DLGAP3: variants seen among roughly 807,000 people sequenced by gnomAD.
The protein encoded by DLGAP3 is disks large-associated protein 3.
Under a neutral mutation model 81.2 loss-of-function variants are expected in DLGAP3, and 17 were observed. That is an observed-to-expected ratio of 0.21 (90% CI 0.14 to 0.31). The LOEUF (loss-of-function observed/expected upper bound fraction) is 0.31, where lower values mean the gene tolerates loss of function less well. Among genes scored for constraint, DLGAP3 ranks in the 10% least tolerant of loss-of-function variants. The pLI is 1.00. For synonymous variants in DLGAP3, 577 were observed against 587.4 expected (o/e 0.98, Z 0.26); for missense variants, 1,124 against 1,388.0 (o/e 0.81, Z 3.02).
At chr1:34,898,269 T>C (rs901876300) in intron 5 of DLGAP3, among the ~76,000 whole-genome samples, 7 of 152,082 alleles carry the variant, frequency 4.6e-5, no homozygotes, top group Non-Finnish European at 8.8e-5. Context: ...TGGGGAGTTA[T>C]AGAGGCACCC....
chr1:34,883,608 A>T (rs1158703228), intron 8 of DLGAP3, among the ~76,000 whole-genome samples: 4 of 152,156 alleles, frequency 2.6e-5, no homozygotes, highest in African/African-American at 4.8e-5. Context: ...ATAAAATGCT[A>T]TTTTTCTGAA....
In DLGAP3 at chr1:34,885,562, T is replaced by C. The variant is rs1313283137; in HGVS notation, c.1830A>G (p.Thr610=). The change falls in exon 7 of 12, where the codon ACA becomes ACG. Residue 610 remains threonine (T), a synonymous_variant. Transcript: ENST00000373347. ...TGCCAGGGATGGTCTTGATGATGAG[T>C]GTGGGGGGCTTGGGGCTGGCCCGGG... ...VPPRASPKPP[T]LIIKTIPGRE... 2 of 1,607,144 alleles carry C rather than the reference T, an allele frequency of 1.2e-6. No individual in the cohort carries two copies. The highest frequency in any genetic ancestry group is 1.7e-6 in the Non-Finnish European group (2 of 1,179,514).
In DLGAP3 at chr1:34,900,008, C is replaced by A; in HGVS notation, c.1313+60G>T. The A allele has an allele frequency of 6.9e-7, 1 of 1,443,934 alleles. No individual in the cohort carries two copies. Among genetic ancestry groups the A allele is most frequent in the Non-Finnish European group, 9.6e-7 (1 of 1,042,804 alleles). 89.4% of individuals were successfully genotyped at this position (1,443,934 alleles called of 1,614,324 possible). A position where few individuals can be genotyped will look rare whatever the true frequency, so the allele number is the denominator to read the frequency against. On this transcript the variant is annotated intron_variant, in intron 4 of 11. Transcript: ENST00000373347. The surrounding 1 kb of genome is among the most constrained non-coding windows in gnomAD (Gnocchi z 5.6). ...ACTGGCACCCACTCTACACACATCT[C>A]CCGCAGGAGTCCAGCATCAGCCTCC...
chr1:34,890,353 T>C (rs564408335), intron 5 of DLGAP3, among the ~76,000 whole-genome samples: 1 of 152,336 alleles, frequency 6.6e-6, no homozygotes, highest in South Asian at 2.1e-4. Context: ...GTGAGTGTAT[T>C]ATGTGGGAGA....
rs554499702 is a variant in DLGAP3 at position 34,875,778 on chromosome 1, T to C, written c.2001-6689A>G. Among the ~76,000 whole-genome samples the C allele has an allele frequency of 3.3e-5, 5 of 152,380 alleles. No individual in the cohort carries two copies. In the South Asian group the frequency reaches 1.0e-3, roughly 32 times the overall value. On this transcript the variant is annotated intron_variant, in intron 8 of 11. Coordinates refer to ENST00000373347, the MANE Select transcript of DLGAP3 (RefSeq NM_001080418.3). ...GACACGGCTGGTAACTGATTAAGTA[T>C]GTTCTCTCTCACCACAAGGCCTTAG... is the stretch of plus-strand genomic sequence containing the variant.
intron 5 of DLGAP3, among the ~76,000 whole-genome samples, chr1:34,893,058 G>C (rs1372902907): frequency 6.6e-6 from 1 of 151,502 alleles, no homozygotes; most frequent in Non-Finnish European, 1.5e-5. Flanking sequence ...TGTAGTCCCA[G>C]CTACTCGGGA....
chr1:34,914,977 G>C (rs542966039), intron 1 of DLGAP3, among the ~76,000 whole-genome samples: 1 of 152,176 alleles, frequency 6.6e-6, no homozygotes, highest in Non-Finnish European at 1.5e-5. Flanking sequence ...CACCTGAGAG[G>C]ACTAGAGGAC....
At chr1:34,889,827 G>C (rs546341348) in intron 5 of DLGAP3, among the ~76,000 whole-genome samples, 30 of 152,330 alleles carry the variant, frequency 2.0e-4, no homozygotes, top group African/African-American at 7.2e-4. Flanking sequence ...TGGAAAATCA[G>C]AATATTAACT....
rs1433093415 is a variant in DLGAP3, at chr1:34,928,811, TTCACACACTC to T, written c.-135+630_-135+639del. ...ACAGTCACGCCGGCACACACATCCA[TTCACACACTC>T]ACAGACACACACAGGCACACATGGG... On this transcript the variant is annotated intron_variant, in intron 1 of 11. Coordinates refer to ENST00000373347, the MANE Select transcript of DLGAP3 (RefSeq NM_001080418.3). Among the ~76,000 whole-genome samples, 14 of 149,526 alleles carry T rather than the reference TTCACACACTC, an allele frequency of 9.4e-5. No individual in the cohort carries two copies. In the East Asian group the frequency reaches 2.8e-3, roughly 30 times the overall value.
chr1:34,866,227 G>A lies in DLGAP3; in HGVS notation c.2796C>T (p.Ser932=). The change falls in exon 12 of 12, where the codon TCC becomes TCT. Residue 932 remains serine, a synonymous_variant. Coordinates refer to ENST00000373347, the MANE Select transcript of DLGAP3 (RefSeq NM_001080418.3). ...RGRGVPVKER[S]LDSVDRQRQE... is the part of the protein sequence containing the mutation. The stretch of plus-strand genomic sequence containing the variant: ...GCCGCTGCCGGTCCACGGAGTCCAG[G>A]GAGCGCTCCTTCACCGGCACGCCCC... 6.3e-7 allele frequency: 1 copy of A among 1,586,318 alleles called. No individual in the cohort carries two copies. The highest frequency in any genetic ancestry group is 8.5e-7 in the Non-Finnish European group (1 of 1,170,266).
chr1:34,903,136 T>G (rs1639487849), intron 3 of DLGAP3, among the ~76,000 whole-genome samples: 1 of 152,210 alleles, frequency 6.6e-6, no homozygotes, highest in Non-Finnish European at 1.5e-5. Context: ...TTGAACATGC[T>G]GTATAGTCTC....
In DLGAP3 at chr1:34,892,609, T is replaced by C. The variant is rs561576971; in HGVS notation, c.1387-6324A>G. Reference sequence around the variant, plus strand: ...ACATAGTGCACTACAGGTCAAACTCTTGGGCTAAAGCAATCCTACTGCCTC... The same window carrying C: ...ACATAGTGCACTACAGGTCAAACTCCTGGGCTAAAGCAATCCTACTGCCTC... On this transcript the variant is annotated intron_variant, in intron 5 of 11. Transcript: ENST00000373347. 2.6e-5 allele frequency among the ~76,000 whole-genome samples: 4 copies of C among 152,266 alleles called. No individual in the cohort carries two copies. In the East Asian group the frequency reaches 5.8e-4, roughly 22 times the overall value.
In DLGAP3 at chr1:34,873,776, A is replaced by G. The variant is rs1445343204; in HGVS notation, c.2001-4687T>C. Among the ~76,000 whole-genome samples the G allele has an allele frequency of 5.9e-5, 9 of 152,194 alleles. No homozygotes were observed. The highest frequency in any genetic ancestry group is 1.2e-4 in the Non-Finnish European group (8 of 68,042). On this transcript the variant is annotated intron_variant, in intron 8 of 11. Transcript: ENST00000373347. This position sits in a 1 kb window ranked among gnomAD's most constrained non-coding sequence, Gnocchi z 4.2. Reference sequence around the variant, plus strand: ...CATTGTATCATGGCTGGTTATTTGCATAAGTGTCTCCTCACTAAATAGGGC... The same window carrying G: ...CATTGTATCATGGCTGGTTATTTGCGTAAGTGTCTCCTCACTAAATAGGGC...
At chr1:34,883,414 C>T (rs866312752) in intron 8 of DLGAP3, among the ~76,000 whole-genome samples, 1 of 152,184 alleles carries the variant, frequency 6.6e-6, no homozygotes, top group Non-Finnish European at 1.5e-5. Context: ...GGAACCCCCA[C>T]CCCCCTGGAC....
In DLGAP3 at chr1:34,904,251, G is replaced by A; in HGVS notation, c.1107+26C>T. ...AAGACTGGTGAAGGCTAAGGACTCT[G>A]TTCCCCAACCCCAAAAAAGCCTCAC... is the stretch of plus-strand genomic sequence containing the variant. On this transcript the variant is annotated intron_variant, in intron 3 of 11. Transcript: ENST00000373347. This position sits in a 1 kb window ranked among gnomAD's most constrained non-coding sequence, Gnocchi z 8.1. The A allele has an allele frequency of 6.2e-7, 1 of 1,600,260 alleles. No homozygotes were observed. Among genetic ancestry groups the A allele is most frequent in the Non-Finnish European group, 8.5e-7 (1 of 1,179,936 alleles).
chr1:34,904,610 T>G lies in DLGAP3; in HGVS notation c.774A>C (p.Thr258=), dbSNP rs751495577. Residue 258 remains threonine (T), a synonymous_variant, in exon 3 of 12, where the codon ACA becomes ACC. Coordinates refer to ENST00000373347, the MANE Select transcript of DLGAP3 (RefSeq NM_001080418.3). The surrounding 1 kb of genome is among the most constrained non-coding windows in gnomAD (Gnocchi z 8.1). ...AGTTGTCATCGGAACTCCACCAGCC[T>G]GTGGACTTGGCCTGGTGCCGCCCAT... is the stretch of plus-strand genomic sequence containing the variant. The part of the protein sequence containing the change: ...KGDGRHQAKS[T]GWWSSDDNLD... 3 of 1,614,096 alleles carry G rather than the reference T, an allele frequency of 1.9e-6. No homozygotes were observed. The African/African-American group carries it at 4.0e-5, about 22-fold the overall frequency.
chr1:34,886,046 G>C (rs1639222203), intron 6 of DLGAP3, 26 bp downstream of exon 6: 1 of 1,575,470 alleles, frequency 6.3e-7, no homozygotes, highest in South Asian at 1.2e-5. Flanking sequence ...CCTAGGGCCG[G>C]GCCAGGGGCA....
Position 34,905,137 on chromosome 1 carries a change from C to G in DLGAP3, c.247G>C (p.Gly83Arg), listed in dbSNP as rs754254378. Residue 83 changes from glycine (G) to arginine (R), a missense_variant, in exon 3 of 12, where the codon GGG (glycine) becomes CGG (arginine). Physicochemically the swap from Gly to Arg is moderately radical, Grantham distance 125. Transcript: ENST00000373347. The stretch of plus-strand genomic sequence containing the variant: ...CTGGGGAAGGTGCTGCTACCCCCCC[C>G]AACCCCGGCCCCCGCTGGCCCTCCC... ...PEGGPAGAGV[G>R]GGSSTFPRMY... 6.4e-7 allele frequency: 1 copy of G among 1,570,396 alleles called. No homozygotes were observed. The highest frequency in any genetic ancestry group is 8.6e-7 in the Non-Finnish European group (1 of 1,157,258).
chr1:34,878,799 A>G (rs1639099089), intron 8 of DLGAP3, among the ~76,000 whole-genome samples: 1 of 152,188 alleles, frequency 6.6e-6, no homozygotes, highest in Non-Finnish European at 1.5e-5. Context: ...GGGTGGGCGC[A>G]GTGGCTCACG....
Sources: gnomAD v4.1 joint callset for allele counts (sites outside exome capture counted in the v4.1 genomes callset) on GRCh38, gnomAD v4.1.1 for gene constraint, Gnocchi (gnomAD v3.1) non-coding constraint, MANE v1.5 for transcripts, NCBI Gene and HGNC (gene_info 2026-07-23, HGNC 2026-07-21) for gene names.